The following CFAP54 variants were observed in gnomAD, a reference collection of about 807,000 sequenced individuals.
CFAP54 encodes cilia- and flagella-associated protein 54.
Under a neutral mutation model 370.4 loss-of-function variants are expected in CFAP54, and 290 were observed. The observed-to-expected ratio is 0.78, with a 90% CI of 0.71 to 0.86. The LOEUF (loss-of-function observed/expected upper bound fraction) is 0.86. Ranked by LOEUF, CFAP54 falls within the 40% of genes least tolerant of loss-of-function variation. The probability of loss-of-function intolerance (pLI) is 0.00; values close to 1 mark genes in which losing one functional copy is unlikely to be tolerated. For synonymous variants in CFAP54, 1,206 were observed against 1,236.5 expected (o/e 0.98, Z 0.52); for missense variants, 3,399 against 3,528.7 (o/e 0.96, Z 0.93).
At chr12:96,874,275 TG>T (rs1259250207) in intron 67 of CFAP54, among the ~76,000 whole-genome samples, 1 of 152,210 alleles carries the variant, frequency 6.6e-6, no homozygotes, top group South Asian at 2.1e-4. Flanking sequence ...GGTATTTCAA[TG>T]TTTTTTACAT....
At chr12:96,496,336 C>T (rs1954954724) in intron 1 of CFAP54, among the ~76,000 whole-genome samples, 1 of 152,170 alleles carries the variant, frequency 6.6e-6, no homozygotes, top group Non-Finnish European at 1.5e-5. Context: ...CCTGTATTAG[C>T]CAGCTCAGGC....
At chr12:96,850,451 G>A (rs1182226948) in intron 66 of CFAP54, among the ~76,000 whole-genome samples, 2 of 152,150 alleles carry the variant, frequency 1.3e-5, no homozygotes, top group Admixed American at 1.3e-4. Context: ...CTTGCCAATG[G>A]TTGACAGACA....
chr12:96,750,884 T>G (rs1958174530), intron 55 of CFAP54, among the ~76,000 whole-genome samples: 2 of 152,314 alleles, frequency 1.3e-5, no homozygotes, highest in South Asian at 4.1e-4. Flanking sequence ...TTACAACGTC[T>G]TTTTCACAGA....
At chr12:96,497,872 A>G (rs1277776353) in intron 1 of CFAP54, among the ~76,000 whole-genome samples, 4 of 152,226 alleles carry the variant, frequency 2.6e-5, no homozygotes, top group African/African-American at 9.6e-5. Flanking sequence ...AGAAGAGTTT[A>G]AAACAAAGAT....
chr12:96,727,298 T>C (rs1957853998), intron 50 of CFAP54, among the ~76,000 whole-genome samples: 2 of 152,142 alleles, frequency 1.3e-5, no homozygotes, highest in Admixed American at 6.5e-5. Context: ...CCATTATTAT[T>C]GTGTGGGAGT....
chr12:96,617,738 T>C (rs936065797), intron 26 of CFAP54, among the ~76,000 whole-genome samples: 4 of 152,160 alleles, frequency 2.6e-5, no homozygotes, highest in African/African-American at 7.2e-5. Context: ...ACGCCTGTAA[T>C]CCCAGCACTT....
intron 32 of CFAP54, among the ~76,000 whole-genome samples, chr12:96,642,849 C>T (rs541826339): frequency 6.6e-6 from 1 of 152,182 alleles, no homozygotes; most frequent in African/African-American, 2.4e-5. Context: ...TATTGGAGCA[C>T]CCTGAATGTT....
chr12:96,872,131 C>G (rs992271766), intron 67 of CFAP54, among the ~76,000 whole-genome samples: 1 of 152,066 alleles, frequency 6.6e-6, no homozygotes, highest in African/African-American at 2.4e-5. Flanking sequence ...CCAAGCAAAT[C>G]ATAGTCACAG....
chr12:96,511,641 T>A (rs116565698), intron 4 of CFAP54, among the ~76,000 whole-genome samples: 1 of 150,370 alleles, frequency 6.7e-6, no homozygotes, highest in Non-Finnish European at 1.5e-5. Context: ...CACACCATCA[T>A]GCCCAACTAA....
intron 66 of CFAP54, among the ~76,000 whole-genome samples, chr12:96,855,969 A>G (rs1396265939): frequency 6.6e-6 from 1 of 152,136 alleles, no homozygotes; most frequent in African/African-American, 2.4e-5. Flanking sequence ...AGGCATTTCC[A>G]TATATCCTCT....
intron 46 of CFAP54, among the ~76,000 whole-genome samples, chr12:96,704,285 G>A (rs1957521862): frequency 6.6e-6 from 1 of 151,196 alleles, no homozygotes; most frequent in South Asian, 2.1e-4. Flanking sequence ...AATTTAGCTG[G>A]ACGTGGTGGC....
chr12:96,711,628 G>A (rs1957615647), intron 48 of CFAP54, among the ~76,000 whole-genome samples: 1 of 152,178 alleles, frequency 6.6e-6, no homozygotes. Flanking sequence ...CAGACTTGCA[G>A]TACTGTTCTC....
chr12:96,659,154 C>T (rs1453158801), intron 38 of CFAP54, among the ~76,000 whole-genome samples: 3 of 152,190 alleles, frequency 2.0e-5, no homozygotes, highest in East Asian at 1.9e-4. Flanking sequence ...ACACAATGTA[C>T]CTGGAGATAG....
chr12:96,520,053 A>G (rs999106310), intron 6 of CFAP54, among the ~76,000 whole-genome samples: 2 of 152,130 alleles, frequency 1.3e-5, no homozygotes, highest in African/African-American at 4.8e-5. Context: ...TTTAAGACAG[A>G]ATCTTGCTCT....
intron 57 of CFAP54, among the ~76,000 whole-genome samples, chr12:96,756,935 A>G: frequency 6.6e-6 from 1 of 152,174 alleles, no homozygotes; most frequent in Non-Finnish European, 1.5e-5. Context: ...GGACTGGCCA[A>G]CTTAATTCTT....
chr12:96,790,006 ACCTACTTT>A (rs1958671596), intron 62 of CFAP54, among the ~76,000 whole-genome samples: 1 of 135,866 alleles, frequency 7.4e-6, no homozygotes. Context: ...TGATACTTAA[ACCTACTTT>A]CCCCCACAAA....
chr12:96,806,194 ATATATATATATATATATAT>A (rs1565984895), intron 63 of CFAP54, among the ~76,000 whole-genome samples: 4,489 of 89,726 alleles, frequency 0.05, 373 homozygotes, highest in South Asian at 0.17. Flanking sequence ...ATATATATAT[ATATATATATATATATATAT>A]AATAACAACA....
intron 48 of CFAP54, among the ~76,000 whole-genome samples, chr12:96,716,336 T>A (rs1957678431): frequency 6.6e-6 from 1 of 152,266 alleles, no homozygotes; most frequent in Admixed American, 6.5e-5. Flanking sequence ...GGGATTTTGC[T>A]GGAAGCACAT....
chr12:96,535,462 G>A, intron 11 of CFAP54, 53 bp from the exon 12 acceptor site: 2 of 1,197,360 alleles, frequency 1.7e-6, no homozygotes, highest in Non-Finnish European at 1.2e-6. Context: ...TTTTCTATTT[G>A]AAATTTTGTA....
Sources: gnomAD v4.1 joint callset for allele counts (sites outside exome capture counted in the v4.1 genomes callset) on GRCh38, gnomAD v4.1.1 for gene constraint, MANE v1.5 for transcripts, NCBI Gene and HGNC (gene_info 2026-07-23, HGNC 2026-07-21) for gene names.